The following HPS1 variants were observed in gnomAD, a reference collection of about 807,000 sequenced individuals.
HPS1 encodes BLOC-3 complex member HPS1.
A neutral mutation model predicts 90.6 loss-of-function variants in HPS1; 59 were observed. The observed-to-expected ratio is 0.65, with a 90% CI of 0.53 to 0.81. HPS1 has a LOEUF of 0.81. Ranked by LOEUF, HPS1 falls within the 30% of genes least tolerant of loss-of-function variation. The pLI is 0.00. For missense variants in HPS1, 849 were observed against 896.7 expected (o/e 0.95, Z 0.68); for synonymous variants, 388 against 384.4 (o/e 1.01, Z -0.11).
Position 98,443,174 on chromosome 10 carries a change from C to T in HPS1, c.67G>A (p.Glu23Lys). 1 of 1,614,128 alleles carries T rather than the reference C, an allele frequency of 6.2e-7. No individual in the cohort carries two copies. The highest frequency in any genetic ancestry group is 2.2e-5 in the East Asian group (1 of 44,870). The change falls in exon 3 of 20, where the codon GAA becomes AAA. Residue 23 changes from glutamate (E) to lysine (K), a missense_variant. Transcript: ENST00000361490. ...VLFYWTDQEF[E>K]ESLRLKFGQS... ...CCGAACTTCAGCCGGAGACTCTCTT[C>T]AAACTCCTGATCTGTCCAGTAGAAG...
chr10:98,446,500 G>A (rs887155469), intron 1 of HPS1, among the ~76,000 whole-genome samples: 7 of 152,196 alleles, frequency 4.6e-5, no homozygotes, highest in Non-Finnish European at 1.0e-4. Context: ...GCTCCTTCTG[G>A]GGTCCCACAC....
At chr10:98,442,943 C>T in intron 3 of HPS1, 181 bp downstream of exon 3, 2 of 671,180 alleles carry the variant, frequency 3.0e-6, no homozygotes, top group East Asian at 2.7e-5. Flanking sequence ...GAGCTCAGAG[C>T]ATCAAGAGGC....
intron 6 of HPS1, 131 bp downstream of exon 6, chr10:98,433,852 C>G (rs1457068176): frequency 4.5e-6 from 6 of 1,341,080 alleles, no homozygotes; most frequent in Admixed American, 2.0e-5. Context: ...AAGAACAACT[C>G]TCTCTGAATA....
Position 98,425,601 on chromosome 10 carries a change from C to T in HPS1, c.1275G>A (p.Val425=). Residue 425 remains valine (V), a synonymous_variant, in exon 13 of 20, where the codon GTG becomes GTA. Coordinates refer to ENST00000361490, the MANE Select transcript of HPS1 (RefSeq NM_000195.5). The part of the protein sequence containing the change: ...PGASLRSQPL[V]GDLRQRMDKF... ...TGTCCATCCTCTGGCGCAGGTCTCC[C>T]ACGAGGGGCTGGGAGCGCAGGGAGG... 1 of 1,613,874 alleles carries T rather than the reference C, an allele frequency of 6.2e-7. No individual in the cohort carries two copies. Among genetic ancestry groups the T allele is most frequent in the Non-Finnish European group, 8.5e-7 (1 of 1,179,946 alleles).
chr10:98,427,386 C>T lies in HPS1; in HGVS notation c.938-122G>A, dbSNP rs181585725. The stretch of plus-strand genomic sequence containing the variant: ...CCTCAGCCCTTGGCTGCCAGCTCCA[C>T]GCAGGGGTGCTAATGTGGCTGGGGC... On this transcript the variant is annotated intron_variant, in intron 10 of 19. Transcript: ENST00000361490. 2.3e-3 allele frequency: 1,787 copies of T among 779,750 alleles called. 5 individuals are homozygous for T. The highest frequency in any genetic ancestry group is 3.3e-3 in the Non-Finnish European group (1,509 of 462,376). 48.3% of individuals were successfully genotyped at this position (779,750 alleles called of 1,614,324 possible). A position where few individuals can be genotyped will look rare whatever the true frequency, so the allele number is the denominator to read the frequency against.
downstream of HPS1, chr10:98,416,171 C>T (rs958154840): frequency 6.6e-6 from 1 of 152,300 alleles, no homozygotes; most frequent in African/African-American, 2.4e-5. Context: ...TGGACAGTTA[C>T]CCCGCATGTG....
rs746452599 is a variant in HPS1 at position 98,427,188 on chromosome 10, G to A, written c.987+27C>T. ...ACTGCGGCATCTCAGATCAGCTGGC[G>A]CCCAGGCAGGCACAGGAGAAACTCA... is the stretch of plus-strand genomic sequence containing the variant. On this transcript the variant is annotated intron_variant, in intron 11 of 19. Coordinates refer to ENST00000361490, the MANE Select transcript of HPS1 (RefSeq NM_000195.5). The A allele has an allele frequency of 2.5e-5, 38 of 1,544,714 alleles. No homozygotes were observed. In the Middle Eastern group the frequency reaches 1.0e-3, roughly 41 times the overall value.
chr10:98,432,898 C>T (rs1041825546), intron 6 of HPS1, among the ~76,000 whole-genome samples: 2 of 116,062 alleles, frequency 1.7e-5, no homozygotes, highest in African/African-American at 5.5e-5. Context: ...AAGTGTGGTT[C>T]CTGGACAAGC....
chr10:98,442,136 T>C (rs535922978), intron 3 of HPS1, among the ~76,000 whole-genome samples: 1 of 152,330 alleles, frequency 6.6e-6, no homozygotes, highest in South Asian at 2.1e-4. Flanking sequence ...AGATTACTAC[T>C]CAATGACAAG....
chr10:98,444,572 G>A (rs1385487435), intron 2 of HPS1, among the ~76,000 whole-genome samples: 5 of 152,214 alleles, frequency 3.3e-5, no homozygotes, highest in Non-Finnish European at 7.3e-5. Context: ...AGGAAGCTCT[G>A]CTGTAACTCT....
At position 98,435,275 on chromosome 10, in the gene HPS1, T is replaced by G. The variant is rs1051107003; in HGVS notation, c.395A>C (p.Lys132Thr). 1.9e-6 allele frequency: 3 copies of G among 1,613,874 alleles called. No homozygotes were observed. Among genetic ancestry groups the G allele is most frequent in the Non-Finnish European group, 2.5e-6 (3 of 1,180,038 alleles). Residue 132 changes from lysine to threonine, a missense_variant, in exon 5 of 20, where the codon AAG (lysine) becomes ACG (threonine). Lys to Thr is a moderately conservative substitution (Grantham distance 78, BLOSUM62 -1). Transcript: ENST00000361490. This position sits in a 1 kb window ranked among gnomAD's most constrained non-coding sequence, Gnocchi z 4.3. ...GGGACCAGCTTTGAAGACTCACTCC[T>G]TTCGGATAAGATGACCGTCCACAGT... ...LVTVDGHLIR[K>T]ELRPPDLAQR... is the part of the protein sequence containing the mutation.
At chr10:98,414,912 C>A, downstream of HPS1, 3 of 1,511,570 alleles carry the variant, frequency 2.0e-6, no homozygotes, top group Non-Finnish European at 2.7e-6. Flanking sequence ...GAGGAGAGAG[C>A]AGTGGGGCTT....
intron 13 of HPS1, 46 bp from the exon 14 acceptor site, chr10:98,424,420 A>G (rs1282399706): frequency 6.5e-7 from 1 of 1,536,274 alleles, no homozygotes; most frequent in South Asian, 1.1e-5. Flanking sequence ...CCATATTTCC[A>G]GTGAGGTCCA....
intron 14 of HPS1, 62 bp downstream of exon 14, chr10:98,424,251 C>T: frequency 8.3e-7 from 1 of 1,207,954 alleles, no homozygotes; most frequent in Non-Finnish European, 1.2e-6. Context: ...GGAGATGTGG[C>T]CTCCCAGGGA....
At chr10:98,414,846 A>T, downstream of HPS1, 1 of 1,102,378 alleles carries the variant, frequency 9.1e-7, no homozygotes, top group South Asian at 1.9e-5. Context: ...TGCCAGATGG[A>T]AGGGCTTTCC....
chr10:98,423,501 T>C (rs909725715), intron 16 of HPS1, 102 bp downstream of exon 16: 3 of 1,072,038 alleles, frequency 2.8e-6, no homozygotes, highest in African/African-American at 1.5e-5. Context: ...GTGGAACATA[T>C]ATCCCCCTTC....
intron 11 of HPS1, among the ~76,000 whole-genome samples, chr10:98,426,745 AGTGTGTGTGT>A (rs58431822): frequency 0.12 from 17,103 of 147,868 alleles, 1,317 homozygotes; most frequent in Admixed American, 0.2. Flanking sequence ...GTACATATGT[AGTGTGTGTGT>A]GTGTGTGTGT....
chr10:98,439,547 T>C (rs569843759), intron 3 of HPS1, among the ~76,000 whole-genome samples: 1 of 152,300 alleles, frequency 6.6e-6, no homozygotes, highest in East Asian at 1.9e-4. Context: ...ATTTCTCCCA[T>C]TTGGAATGGG....
chr10:98,419,472 G>A (rs1014918737), intron 18 of HPS1, among the ~76,000 whole-genome samples: 36 of 152,168 alleles, frequency 2.4e-4, no homozygotes, highest in Admixed American at 6.5e-4. Context: ...GCTGGGGCAG[G>A]GATCCCTGAC....
Sources: gnomAD v4.1 joint callset for allele counts (sites outside exome capture counted in the v4.1 genomes callset) on GRCh38, gnomAD v4.1.1 for gene constraint, Gnocchi (gnomAD v3.1) non-coding constraint, MANE v1.5 for transcripts, NCBI Gene and HGNC (gene_info 2026-07-23, HGNC 2026-07-21) for gene names.